Variants in KLHL24 observed in about 807,000 individuals in gnomAD.
KLHL24 encodes the protein kelch-like protein 24.
Under a neutral mutation model 53.4 loss-of-function variants are expected in KLHL24, and 29 were observed. The observed-to-expected ratio is 0.54, with a 90% CI of 0.40 to 0.74. The LOEUF is 0.74. Among genes scored for constraint, KLHL24 ranks in the 30% least tolerant of loss-of-function variants. KLHL24 has a pLI of 0.00. For missense variants in KLHL24, 504 were observed against 744.0 expected, an observed-to-expected ratio of 0.68 and a Z score of 3.75; for synonymous variants, 222 against 253.7, an observed-to-expected ratio of 0.88 and a Z score of 1.19.
chr3:183,663,666 G>C lies in KLHL24; in HGVS notation c.1105+24G>C, dbSNP rs200558498. The C allele has an allele frequency of 2.2e-6, 3 of 1,375,012 alleles. No homozygotes were observed. Among genetic ancestry groups the C allele is most frequent in the African/African-American group, 2.9e-5 (2 of 68,046 alleles). The allele number at this position is 1,375,012 out of a possible 1,614,324, so 85.2% of individuals were successfully genotyped here. ...AGGTAAATATAGAATTATTACAGTA[G>C]CTACTTTTAATTTGGACACAGCTTC... On this transcript the variant is annotated intron_variant, in intron 4 of 7. Transcript: ENST00000242810. The surrounding 1 kb of genome is among the most constrained non-coding windows in gnomAD (Gnocchi z 4.9).
intron 3 of KLHL24, among the ~76,000 whole-genome samples, chr3:183,662,880 T>A (rs978553024): frequency 2.6e-5 from 4 of 152,228 alleles, no homozygotes; most frequent in African/African-American, 9.6e-5. Flanking sequence ...AACATTCTTG[T>A]TATAAACTGT....
At chr3:183,657,718 A>G (rs1343107546) in intron 3 of KLHL24, among the ~76,000 whole-genome samples, 2 of 152,330 alleles carry the variant, frequency 1.3e-5, no homozygotes, top group East Asian at 1.9e-4. Flanking sequence ...CTATTCTCCT[A>G]TATTATAGGA....
At chr3:183,636,042 G>A (rs1339536724) in intron 1 of KLHL24, among the ~76,000 whole-genome samples, 1 of 152,066 alleles carries the variant, frequency 6.6e-6, no homozygotes, top group African/African-American at 2.4e-5. Context: ...ACTACGGCCC[G>A]GAACCGCGGC....
At chr3:183,643,128 G>A (rs1716714157) in intron 1 of KLHL24, 1 of 152,652 alleles carries the variant, frequency 6.6e-6, no homozygotes, top group Admixed American at 6.5e-5. Flanking sequence ...TACTAGGGAG[G>A]CTGAGGCAGG....
chr3:183,676,235 A>G (rs982838444), intron 7 of KLHL24, among the ~76,000 whole-genome samples: 2 of 152,220 alleles, frequency 1.3e-5, no homozygotes, highest in South Asian at 2.1e-4. Flanking sequence ...AGCTGGGATT[A>G]CAGGCGCATG....
chr3:183,671,921 T>G (rs376879328), intron 6 of KLHL24, among the ~76,000 whole-genome samples: 3 of 152,230 alleles, frequency 2.0e-5, no homozygotes, highest in East Asian at 3.8e-4. Flanking sequence ...GAATTGAGGT[T>G]TACTTGTTTT....
intron 3 of KLHL24, among the ~76,000 whole-genome samples, chr3:183,652,064 G>A (rs1718196161): frequency 6.6e-6 from 1 of 152,198 alleles, no homozygotes; most frequent in South Asian, 2.1e-4. Flanking sequence ...ATTCTGAGAT[G>A]TAAAATCCAG....
intron 3 of KLHL24, among the ~76,000 whole-genome samples, chr3:183,654,199 T>G (rs1718530981): frequency 6.6e-6 from 1 of 152,210 alleles, no homozygotes; most frequent in African/African-American, 2.4e-5. Context: ...TTGAAATACC[T>G]CCATTGGCTT....
intron 3 of KLHL24, among the ~76,000 whole-genome samples, chr3:183,655,333 A>G (rs1718692257): frequency 6.6e-6 from 1 of 152,224 alleles, no homozygotes; most frequent in South Asian, 2.1e-4. Flanking sequence ...AAGCTTAGAA[A>G]CAATGGCTGT....
intron 3 of KLHL24, among the ~76,000 whole-genome samples, chr3:183,659,981 GTTCT>G (rs1719484978): frequency 6.6e-6 from 1 of 151,640 alleles, no homozygotes; most frequent in Non-Finnish European, 1.5e-5. Context: ...TTTTTCTTTT[GTTCT>G]TTCTTAACTT....
At chr3:183,662,751 G>A (rs1719985878) in intron 3 of KLHL24, among the ~76,000 whole-genome samples, 1 of 152,026 alleles carries the variant, frequency 6.6e-6, no homozygotes, top group South Asian at 2.1e-4. Context: ...AGAAATGGGG[G>A]GAGCCAAACA....
At chr3:183,646,903 A>G (rs58032603) in intron 2 of KLHL24, among the ~76,000 whole-genome samples, 60,654 of 150,726 alleles carry the variant, frequency 0.4, 15,356 homozygotes, top group African/African-American at 0.73. Context: ...TCCACCTCCC[A>G]GGTTCACGCC....
In KLHL24 at chr3:183,650,890, T is replaced by A. The variant is rs758688540; in HGVS notation, c.534T>A (p.His178Gln). 5 of 1,614,206 alleles carry A rather than the reference T, an allele frequency of 3.1e-6. No individual in the cohort carries two copies. Among genetic ancestry groups the A allele is most frequent in the Non-Finnish European group, 4.2e-6 (5 of 1,180,040 alleles). The change falls in exon 3 of 8, where the codon CAT becomes CAA. Residue 178 changes from histidine to glutamine, a missense_variant. Coordinates refer to ENST00000242810, the MANE Select transcript of KLHL24 (RefSeq NM_017644.3). The surrounding 1 kb of genome is among the most constrained non-coding windows in gnomAD (Gnocchi z 4.5). Reference protein sequence around the residue: ...CLGIQRFADTHSLKTLFTKCK... With the variant: ...CLGIQRFADTQSLKTLFTKCK... ...GAATCCAGCGCTTTGCTGATACCCA[T>A]TCACTCAAAACACTCTTCACAAAAT...
At chr3:183,676,914 T>G (rs901745657) in intron 7 of KLHL24, among the ~76,000 whole-genome samples, 1 of 151,144 alleles carries the variant, frequency 6.6e-6, no homozygotes, top group Non-Finnish European at 1.5e-5. Context: ...TTTTTGGTTT[T>G]TTTTTTTTTT....
intron 5 of KLHL24, among the ~76,000 whole-genome samples, chr3:183,668,104 A>G (rs1720831434): frequency 1.3e-5 from 2 of 150,488 alleles, no homozygotes; most frequent in South Asian, 4.3e-4. Context: ...GAGGACCTTG[A>G]GACAGATTTA....
rs182405089 is a variant in KLHL24 at position 183,671,148 on chromosome 3, C to T, written c.1339C>T (p.Pro447Ser). 1.2e-6 allele frequency: 2 copies of T among 1,614,080 alleles called. No individual in the cohort carries two copies. Among genetic ancestry groups the T allele is most frequent in the Non-Finnish European group, 1.7e-6 (2 of 1,180,000 alleles). The change falls in exon 6 of 8, where the codon CCT becomes TCT. Residue 447 changes from proline (P) to serine (S), a missense_variant. Coordinates refer to ENST00000242810, the MANE Select transcript of KLHL24 (RefSeq NM_017644.3). ...VAPLKEAVSS[P>S]AVTSCVGKLF... ...TCCCCTTAAGGAAGCCGTGAGTTCTCCTGCAGTGACTAGCTGTGTAGGCAA... is the reference window on the plus strand; with the variant it reads ...TCCCCTTAAGGAAGCCGTGAGTTCTTCTGCAGTGACTAGCTGTGTAGGCAA...
chr3:183,674,071 T>C (rs535600390), intron 7 of KLHL24, among the ~76,000 whole-genome samples: 50 of 152,278 alleles, frequency 3.3e-4, no homozygotes, highest in African/African-American at 1.1e-3. Context: ...TTAGATTATC[T>C]TTTTCTTCTC....
chr3:183,640,091 TTTGA>T (rs1299980562), intron 1 of KLHL24, among the ~76,000 whole-genome samples: 1 of 150,778 alleles, frequency 6.6e-6, no homozygotes, highest in Non-Finnish European at 1.5e-5. Flanking sequence ...CTATAGGTGT[TTTGA>T]TTATCAAATA....
At position 183,681,648 on chromosome 3, in the gene KLHL24, A is replaced by T. The variant is rs2108913475; in HGVS notation, c.*2362A>T. On this transcript the variant is annotated 3_prime_UTR_variant, in exon 8 of 8. Coordinates refer to ENST00000242810, the MANE Select transcript of KLHL24 (RefSeq NM_017644.3). ...CCAAGAACTTAGGTTGAATCTTAGA[A>T]AATTTAAATAACTATTTTTAAAGTT... 6.6e-6 allele frequency: 1 copy of T among 152,326 alleles called. No individual in the cohort carries two copies. The highest frequency in any genetic ancestry group is 1.9e-4 in the East Asian group (1 of 5,186). The allele number at this position is 152,326 out of a possible 1,614,324, so 9.4% of individuals were successfully genotyped here.
Sources: gnomAD v4.1 joint callset for allele counts (sites outside exome capture counted in the v4.1 genomes callset) on GRCh38, gnomAD v4.1.1 for gene constraint, Gnocchi (gnomAD v3.1) non-coding constraint, MANE v1.5 for transcripts, NCBI Gene and HGNC (gene_info 2026-07-23, HGNC 2026-07-21) for gene names.